Variants in BCL2 observed in about 807,000 individuals in gnomAD.
The protein encoded by BCL2 is BCL2 apoptosis regulator.
In BCL2, 1 loss-of-function variant was observed where a neutral mutation model predicts 14.2. The observed-to-expected ratio is 0.07, with a 90% CI of 0.02 to 0.33. The LOEUF (loss-of-function observed/expected upper bound fraction) is 0.33, where lower values mean the gene tolerates loss of function less well. Ranked by LOEUF, BCL2 falls within the 10% of genes least tolerant of loss-of-function variation. The probability of loss-of-function intolerance (pLI) is 0.99; values close to 1 mark genes in which losing one functional copy is unlikely to be tolerated. For synonymous variants in BCL2, 151 were observed against 137.2 expected (o/e 1.10, Z -0.70); for missense variants, 247 against 305.9 (o/e 0.81, Z 1.44).
At chr18:63,275,078 C>G (rs1006047943) in intron 2 of BCL2, among the ~76,000 whole-genome samples, 1 of 151,800 alleles carries the variant, frequency 6.6e-6, no homozygotes, top group African/African-American at 2.4e-5. Flanking sequence ...GCTCTAATAT[C>G]CTTTTATATA....
At chr18:63,215,036 C>A (rs147993432) in intron 2 of BCL2, among the ~76,000 whole-genome samples, 4 of 152,274 alleles carry the variant, frequency 2.6e-5, no homozygotes, top group Middle Eastern at 3.4e-3. Flanking sequence ...ATAAATAATA[C>A]TTCCCCAGAA....
intron 2 of BCL2, among the ~76,000 whole-genome samples, chr18:63,169,367 T>TTCTTTCTTTCTTTCTC (rs1568222672): frequency 3.1e-5 from 1 of 32,544 alleles, no homozygotes; most frequent in Non-Finnish European, 8.4e-5. Flanking sequence ...CTTTCTTTCT[T>TTCTTTCTTTCTTTCTC]TCTCTTTCTT....
chr18:63,290,485 A>C (rs1489575150), intron 2 of BCL2, among the ~76,000 whole-genome samples: 1 of 152,222 alleles, frequency 6.6e-6, no homozygotes, highest in Non-Finnish European at 1.5e-5. Flanking sequence ...GTTCCCTTAG[A>C]ACATGTTTTT....
At chr18:63,137,937 G>A (rs899964) in intron 2 of BCL2, among the ~76,000 whole-genome samples, 145,299 of 152,288 alleles carry the variant, frequency 0.95, 69,686 homozygotes, top group East Asian at 1. Context: ...CTATGCAAAC[G>A]TAGAGACCAC....
intron 2 of BCL2, among the ~76,000 whole-genome samples, chr18:63,156,087 CAAAAAAAAAA>C (rs10640757): frequency 1.6e-5 from 1 of 64,252 alleles, no homozygotes; most frequent in South Asian, 6.7e-4. Flanking sequence ...GCTGAGAAGC[CAAAAAAAAAA>C]AAAAAAAAAG....
At chr18:63,236,518 C>T (rs1910833722) in intron 2 of BCL2, among the ~76,000 whole-genome samples, 1 of 152,152 alleles carries the variant, frequency 6.6e-6, no homozygotes, top group Admixed American at 6.5e-5. Context: ...TGGAACTTGA[C>T]GCAACTTAGG....
At chr18:63,206,852 G>A (rs1050103762) in intron 2 of BCL2, among the ~76,000 whole-genome samples, 2 of 151,960 alleles carry the variant, frequency 1.3e-5, no homozygotes, top group Non-Finnish European at 1.5e-5. Flanking sequence ...CGGGGAGGAG[G>A]AAAAGAAGGA....
intron 2 of BCL2, among the ~76,000 whole-genome samples, chr18:63,211,490 G>T (rs1439026531): frequency 1.3e-5 from 2 of 151,926 alleles, no homozygotes; most frequent in Non-Finnish European, 1.5e-5. Flanking sequence ...TTTTTTATTT[G>T]CAGTTTTAAG....
chr18:63,171,942 C>G (rs527564490), intron 2 of BCL2, among the ~76,000 whole-genome samples: 1 of 152,240 alleles, frequency 6.6e-6, no homozygotes, highest in African/African-American at 2.4e-5. Flanking sequence ...GATCACACCA[C>G]TGCACTCCAG....
At chr18:63,218,745 A>C in intron 2 of BCL2, among the ~76,000 whole-genome samples, 4 of 15,904 alleles carry the variant, frequency 2.5e-4, no homozygotes, top group East Asian at 2.2e-3. Context: ...ACTCATCTCC[A>C]TCCTCCACTC....
At chr18:63,169,308 C>CT (rs772654918) in intron 2 of BCL2, among the ~76,000 whole-genome samples, 5,355 of 54,654 alleles carry the variant, frequency 0.098, 251 homozygotes, top group Non-Finnish European at 0.14. Context: ...TTCTTTCTTT[C>CT]TTCCTTCCTT....
intron 2 of BCL2, among the ~76,000 whole-genome samples, chr18:63,148,627 C>T (rs1914571848): frequency 6.6e-6 from 1 of 152,026 alleles, no homozygotes; most frequent in Admixed American, 6.6e-5. Flanking sequence ...AACGAATTTC[C>T]CTGGCCTCTG....
At chr18:63,223,356 C>T (rs1339895774) in intron 2 of BCL2, among the ~76,000 whole-genome samples, 1 of 149,928 alleles carries the variant, frequency 6.7e-6, no homozygotes, top group Non-Finnish European at 1.5e-5. Context: ...GCCAAGATGG[C>T]GTCACTGCAC....
At chr18:63,315,911 C>T (rs577990718) in intron 2 of BCL2, 2 of 152,458 alleles carry the variant, frequency 1.3e-5, no homozygotes, top group South Asian at 4.1e-4. Context: ...TAGTCACCAT[C>T]TATGCATTGT....
chr18:63,158,271 G>C (rs548555394), intron 2 of BCL2, among the ~76,000 whole-genome samples: 1 of 152,302 alleles, frequency 6.6e-6, no homozygotes, highest in African/African-American at 2.4e-5. Context: ...GTGGTTCCTT[G>C]AGGCGTATTA....
intron 2 of BCL2, among the ~76,000 whole-genome samples, chr18:63,302,071 C>A (rs914095542): frequency 6.6e-6 from 1 of 152,010 alleles, no homozygotes; most frequent in Non-Finnish European, 1.5e-5. Context: ...CGCCTGTAAT[C>A]CCAGCACTTT....
In BCL2 at chr18:63,129,533, C is replaced by T. The variant is rs987453283; in HGVS notation, c.586-774G>A. ...GGCTCAAGTGAGTCTCCTGCCTCAG[C>T]CTCCCAAAGTTCTGGGATTAAAGGC... is the stretch of plus-strand genomic sequence containing the variant. On this transcript the variant is annotated intron_variant, in intron 2 of 2. Coordinates refer to ENST00000333681, the MANE Select transcript of BCL2 (RefSeq NM_000633.3). 5.9e-5 allele frequency among the ~76,000 whole-genome samples: 9 copies of T among 152,298 alleles called. No individual in the cohort carries two copies. In the East Asian group the frequency reaches 1.5e-3, roughly 26 times the overall value.
At chr18:63,312,827 A>C (rs933077059) in intron 2 of BCL2, among the ~76,000 whole-genome samples, 1 of 152,272 alleles carries the variant, frequency 6.6e-6, no homozygotes, top group Non-Finnish European at 1.5e-5. Context: ...TTTACTTAAA[A>C]AGAATTAATG....
In BCL2 at chr18:63,213,589, G is replaced by T. The variant is rs1318240516; in HGVS notation, c.586-84830C>A. On this transcript the variant is annotated intron_variant, in intron 2 of 2. Transcript: ENST00000333681. ...ACACACACACACACACTATGAAAAT[G>T]ATGTTGAGGCATTGTCTAATCCACA... 5.6e-5 allele frequency among the ~76,000 whole-genome samples: 8 copies of T among 143,562 alleles called. No individual in the cohort carries two copies. The East Asian group carries it at 1.4e-3, about 25-fold the overall frequency. The allele number at this position is 143,562 out of a possible 152,430, so 94.2% of individuals were successfully genotyped here. A position where few individuals can be genotyped will look rare whatever the true frequency, so the allele number is the denominator to read the frequency against.
Sources: gnomAD v4.1 joint callset for allele counts (sites outside exome capture counted in the v4.1 genomes callset) on GRCh38, gnomAD v4.1.1 for gene constraint, MANE v1.5 for transcripts, NCBI Gene and HGNC (gene_info 2026-07-23, HGNC 2026-07-21) for gene names.